DPYD: variants seen among roughly 807,000 people sequenced by gnomAD.
DPYD encodes the protein dihydropyrimidine dehydrogenase.
A neutral mutation model predicts 116.2 loss-of-function variants in DPYD; 109 were observed. The observed-to-expected ratio is 0.94, with a 90% confidence interval of 0.80 to 1.10. The LOEUF (loss-of-function observed/expected upper bound fraction) is 1.10. Among genes scored for constraint, DPYD ranks in the 50% least tolerant of loss-of-function variants. DPYD has a pLI of 0.00. For synonymous variants in DPYD, 440 were observed against 432.0 expected (o/e 1.02, Z -0.23); for missense variants, 1,302 against 1,254.5 (o/e 1.04, Z -0.57).
intron 3 of DPYD, among the ~76,000 whole-genome samples, chr1:97,748,939 G>A (rs1664711792): frequency 6.6e-6 from 1 of 152,154 alleles, no homozygotes; most frequent in African/African-American, 2.4e-5. Flanking sequence ...TTTTGAAAAT[G>A]GCTACATTCT....
intron 8 of DPYD, among the ~76,000 whole-genome samples, chr1:97,671,898 C>CT (rs952297551): frequency 2.8e-5 from 4 of 143,960 alleles, no homozygotes; most frequent in African/African-American, 1.0e-4. Context: ...CTTTTGTCTT[C>CT]TTTTTTTGTC....
At chr1:97,760,169 T>C (rs1665493520) in intron 3 of DPYD, among the ~76,000 whole-genome samples, 1 of 152,160 alleles carries the variant, frequency 6.6e-6, no homozygotes, top group Non-Finnish European at 1.5e-5. Context: ...AACAGATACC[T>C]GAGAGAGGGT....
At chr1:97,809,971 T>C (rs1293575278) in intron 3 of DPYD, among the ~76,000 whole-genome samples, 1 of 151,984 alleles carries the variant, frequency 6.6e-6, no homozygotes, top group Non-Finnish European at 1.5e-5. Context: ...ATTTTATAGA[T>C]TTCCAGAAGA....
intron 13 of DPYD, among the ~76,000 whole-genome samples, chr1:97,509,523 A>G (rs1184508206): frequency 2.0e-5 from 3 of 151,986 alleles, no homozygotes; most frequent in Admixed American, 2.0e-4. Context: ...TAGAAAGAAC[A>G]CTGAACGTGT....
At chr1:97,159,127 T>A (rs905013493) in intron 20 of DPYD, among the ~76,000 whole-genome samples, 5 of 151,950 alleles carry the variant, frequency 3.3e-5, no homozygotes, top group African/African-American at 1.2e-4. Flanking sequence ...GATATTAGAA[T>A]TAGAGGTCAA....
chr1:97,288,762 T>A (rs1665916806), intron 18 of DPYD, among the ~76,000 whole-genome samples: 1 of 149,140 alleles, frequency 6.7e-6, no homozygotes, highest in Non-Finnish European at 1.5e-5. Flanking sequence ...CACCCTAACA[T>A]CACAACTAAA....
At chr1:97,359,310 G>A (rs1204952462) in intron 16 of DPYD, among the ~76,000 whole-genome samples, 1 of 152,192 alleles carries the variant, frequency 6.6e-6, no homozygotes, top group Non-Finnish European at 1.5e-5. Context: ...GGGACTCTGT[G>A]AAAATATCAA....
intron 16 of DPYD, among the ~76,000 whole-genome samples, chr1:97,315,742 C>T (rs921600060): frequency 1.3e-5 from 2 of 151,996 alleles, no homozygotes; most frequent in African/African-American, 4.8e-5. Flanking sequence ...TAGTTCTACC[C>T]TTGGCTTGAC....
chr1:97,504,332 A>G (rs886966689), intron 13 of DPYD, among the ~76,000 whole-genome samples: 4 of 152,042 alleles, frequency 2.6e-5, no homozygotes, highest in Non-Finnish European at 5.9e-5. Flanking sequence ...GCAACTGTAC[A>G]GCAACTAGCC....
intron 3 of DPYD, among the ~76,000 whole-genome samples, chr1:97,823,864 C>CA (rs1372766928): frequency 1.2e-5 from 1 of 81,716 alleles, no homozygotes; most frequent in Non-Finnish European, 2.3e-5. Flanking sequence ...ACTACAAAGT[C>CA]TTTTTTTTTT....
chr1:97,306,928 A>T (rs74104346), intron 16 of DPYD, among the ~76,000 whole-genome samples: 169 of 152,082 alleles, frequency 1.1e-3, no homozygotes, highest in African/African-American at 4.0e-3. Flanking sequence ...GCACTCACAA[A>T]CTTGACAGAA....
intron 3 of DPYD, among the ~76,000 whole-genome samples, chr1:97,823,356 G>A (rs569922589): frequency 7.9e-5 from 12 of 152,088 alleles, no homozygotes; most frequent in African/African-American, 1.2e-4. Flanking sequence ...GGGTTTCACC[G>A]TGTTAGCCAG....
At chr1:97,686,429 G>T (rs1410544000) in intron 7 of DPYD, among the ~76,000 whole-genome samples, 1 of 151,776 alleles carries the variant, frequency 6.6e-6, no homozygotes, top group African/African-American at 2.4e-5. Context: ...GAGGTCAGGA[G>T]ATCGAGACCA....
intron 18 of DPYD, among the ~76,000 whole-genome samples, chr1:97,252,765 T>C (rs542798702): frequency 6.6e-6 from 1 of 152,282 alleles, no homozygotes; most frequent in Admixed American, 6.5e-5. Context: ...ATATTTGCAA[T>C]CCAGTGTAAA....
intron 22 of DPYD, among the ~76,000 whole-genome samples, chr1:97,080,685 A>G (rs1448927335): frequency 2.6e-5 from 4 of 152,308 alleles, no homozygotes; most frequent in African/African-American, 9.6e-5. Flanking sequence ...TGGAAACTCA[A>G]TGAAGTAACT....
chr1:97,578,514 A>T (rs1438603003), intron 10 of DPYD, among the ~76,000 whole-genome samples: 2 of 152,124 alleles, frequency 1.3e-5, no homozygotes, highest in African/African-American at 4.8e-5. Context: ...CAGAGGAGAA[A>T]CTGAGGCTCA....
At chr1:97,763,331 T>G (rs1665677875) in intron 3 of DPYD, among the ~76,000 whole-genome samples, 1 of 152,046 alleles carries the variant, frequency 6.6e-6, no homozygotes, top group Non-Finnish European at 1.5e-5. Context: ...AAAGTCTAAT[T>G]TATCTTCCAC....
intron 19 of DPYD, among the ~76,000 whole-genome samples, chr1:97,229,203 C>CAAAA (rs34445661): frequency 6.8e-5 from 4 of 58,578 alleles, no homozygotes; most frequent in Non-Finnish European, 8.7e-5. Context: ...GACTCCTTCT[C>CAAAA]AAAAAAAAAA....
At chr1:97,134,010 AAAAAATATATATATATAT>A (rs1375880038) in intron 20 of DPYD, among the ~76,000 whole-genome samples, 6 of 36,980 alleles carry the variant, frequency 1.6e-4, no homozygotes, top group Admixed American at 3.7e-4. Flanking sequence ...AAAAAAAAAA[AAAAAATATATATATATAT>A]ATATATATAT....
Sources: allele counts gnomAD v4.1 joint callset (sites outside exome capture counted in the v4.1 genomes callset), GRCh38; gene constraint gnomAD v4.1.1; transcripts MANE v1.5; gene names NCBI Gene and HGNC (gene_info 2026-07-23, HGNC 2026-07-21).